The following GLB1L3 variants were observed in gnomAD, a reference collection of about 807,000 sequenced individuals.
GLB1L3 encodes galactosidase beta 1 like 3.
A neutral mutation model predicts 89.5 loss-of-function variants in GLB1L3; 89 were observed. The ratio of observed to expected loss-of-function variants is 0.99; its 90% CI spans 0.84 to 1.19. The LOEUF (loss-of-function observed/expected upper bound fraction) is 1.19. Among genes scored for constraint, GLB1L3 ranks in the 50% most tolerant of loss-of-function variants. The pLI, the probability that GLB1L3 is intolerant of heterozygous loss-of-function variation, is 0.00. For synonymous variants in GLB1L3, 314 were observed against 312.3 expected (o/e 1.01, Z -0.06); for missense variants, 812 against 813.3 (o/e 1.00, Z 0.02).
At chr11:134,298,064 T>C (rs1197345186) in intron 9 of GLB1L3, among the ~76,000 whole-genome samples, 2 of 151,516 alleles carry the variant, frequency 1.3e-5, no homozygotes, top group African/African-American at 4.9e-5. Context: ...TATTAATTCT[T>C]ATCTTTTTTT....
At chr11:134,283,882 C>A in intron 6 of GLB1L3, 37 bp downstream of exon 6, 1 of 1,208,654 alleles carries the variant, frequency 8.3e-7, no homozygotes, top group Non-Finnish European at 1.2e-6. Flanking sequence ...TTCTTACGTG[C>A]CCTTTAGGGA....
chr11:134,301,507 G>A (rs772944470), intron 9 of GLB1L3, among the ~76,000 whole-genome samples: 4 of 151,742 alleles, frequency 2.6e-5, no homozygotes, highest in African/African-American at 7.3e-5. Flanking sequence ...TTATTGATTC[G>A]TTTTTACTCT....
At chr11:134,309,951 T>A in intron 11 of GLB1L3, 188 bp downstream of exon 11, 2 of 638,726 alleles carry the variant, frequency 3.1e-6, no homozygotes, top group South Asian at 2.0e-5. Flanking sequence ...GTCATTGCAG[T>A]AGACAGGGCT....
At chr11:134,284,199 T>A (rs77374738) in intron 6 of GLB1L3, among the ~76,000 whole-genome samples, 3,548 of 152,272 alleles carry the variant, frequency 0.023, 125 homozygotes, top group African/African-American at 0.079. Context: ...CAGATAAAAA[T>A]CTCACCTTCC....
chr11:134,314,335 G>T lies in GLB1L3; in HGVS notation c.1673G>T (p.Arg558Leu). The change falls in exon 18 of 20, where the codon CGC becomes CTC. Residue 558 changes from arginine to leucine, a missense_variant. Arg to Leu is a moderately radical substitution (Grantham distance 102). This residue lies in a region of GLB1L3 where 618 missense variants were observed against 604.0 expected (regional missense o/e 1.02). Transcript: ENST00000431683. ...EMKMSFFERL[R>L]SATWKPVPDS... ...TGGCTTGGCCTTTCTTCCAGGCTCC[G>T]CTCTGCCACCTGGAAGCCTGTCCCA... is the stretch of plus-strand genomic sequence containing the variant. 1.9e-6 allele frequency: 3 copies of T among 1,547,036 alleles called. No individual in the cohort carries two copies. Among genetic ancestry groups the T allele is most frequent in the Non-Finnish European group, 2.6e-6 (3 of 1,145,112 alleles).
chr11:134,323,748 C>A (rs1201883442), downstream of GLB1L3, among the ~76,000 whole-genome samples: 4 of 152,098 alleles, frequency 2.6e-5, no homozygotes, highest in African/African-American at 9.7e-5. Context: ...CTTGTAAGGC[C>A]TGTGTTGCTG....
At chr11:134,308,190 TCACCATCACCACTACCACCAC>T (rs1565412169) in intron 10 of GLB1L3, among the ~76,000 whole-genome samples, 2 of 79,090 alleles carry the variant, frequency 2.5e-5, no homozygotes. Context: ...ATCACCATCA[TCACCATCACCACTACCACCAC>T]CACCATCACC....
At chr11:134,320,828 C>T (rs1298508024), downstream of GLB1L3, among the ~76,000 whole-genome samples, 5 of 151,970 alleles carry the variant, frequency 3.3e-5, no homozygotes, top group East Asian at 1.9e-4. Context: ...TGTTCTGTAG[C>T]GGCCTTTCTC....
chr11:134,322,881 G>C (rs1166519969), downstream of GLB1L3, among the ~76,000 whole-genome samples: 2 of 152,140 alleles, frequency 1.3e-5, no homozygotes, highest in African/African-American at 4.8e-5. Context: ...GAATATTCAT[G>C]CATAAGTTTT....
At chr11:134,277,250 G>C (rs765009892) in intron 1 of GLB1L3, 76 bp from the exon 2 acceptor site, 3 of 1,600,060 alleles carry the variant, frequency 1.9e-6, no homozygotes, top group South Asian at 2.2e-5. Flanking sequence ...AAGCGCCCCC[G>C]GCACAGCTTC....
At chr11:134,322,019 G>A (rs532444735), downstream of GLB1L3, among the ~76,000 whole-genome samples, 2 of 151,960 alleles carry the variant, frequency 1.3e-5, no homozygotes, top group South Asian at 2.1e-4. Context: ...AACTCTAAAC[G>A]GTAAAAATTG....
upstream of GLB1L3, chr11:134,276,370 C>G (rs1202255189): frequency 9.2e-6 from 2 of 217,544 alleles, no homozygotes; most frequent in East Asian, 9.5e-5. Context: ...GCCCCTCTCC[C>G]GCGCAGGCCT....
chr11:134,286,652 C>T (rs957409143), intron 6 of GLB1L3, among the ~76,000 whole-genome samples: 1 of 150,950 alleles, frequency 6.6e-6, no homozygotes. Context: ...TGGCGGGCGC[C>T]TGTAGTCCCA....
rs1942067452 is a variant in GLB1L3 at position 134,303,994 on chromosome 11, TG to T, written c.877-3129del. On this transcript the variant is annotated intron_variant, in intron 9 of 19. Transcript: ENST00000431683. ...TTCTCCTTTATTACTAAGAATTTTTTGTTTCTTTTTTTGTTTTCTGCAGTTG... is the reference window on the plus strand; with the variant it reads ...TTCTCCTTTATTACTAAGAATTTTTTTTTCTTTTTTTGTTTTCTGCAGTTG... 2.0e-5 allele frequency among the ~76,000 whole-genome samples: 3 copies of T among 152,148 alleles called. No individual in the cohort carries two copies. The South Asian group carries it at 6.2e-4, about 32-fold the overall frequency.
At chr11:134,300,458 G>C (rs943589396) in intron 9 of GLB1L3, among the ~76,000 whole-genome samples, 1 of 151,014 alleles carries the variant, frequency 6.6e-6, no homozygotes, top group Non-Finnish European at 1.5e-5. Context: ...TCAGCCTCCC[G>C]AGTAGCTGGG....
Position 134,313,413 on chromosome 11 carries a change from G to A in GLB1L3, c.1518G>A (p.Arg506=), listed in dbSNP as rs1205254213. 3 of 1,583,766 alleles carry A rather than the reference G, an allele frequency of 1.9e-6. No individual in the cohort carries two copies. The highest frequency in any genetic ancestry group is 2.7e-5 in the African/African-American group (2 of 74,482). The change falls in exon 16 of 20, where the codon AGG becomes AGA. Residue 506 remains arginine (R), a synonymous_variant. Coordinates refer to ENST00000431683, the MANE Select transcript of GLB1L3 (RefSeq NM_001080407.3). ...IPELRDCRYL[R]ILVENQGRVN... is the part of the protein sequence containing the mutation. ...CCCAGCAGGACTGCCGATACCTGAG[G>A]ATCCTGGTGGAGAATCAAGGACGAG...
At chr11:134,283,657 A>G in intron 5 of GLB1L3, 80 bp from the exon 6 acceptor site, 1 of 740,262 alleles carries the variant, frequency 1.4e-6, no homozygotes, top group South Asian at 1.7e-5. Context: ...ATGTGCGGCG[A>G]GCCGGGGCAG....
intron 5 of GLB1L3, among the ~76,000 whole-genome samples, chr11:134,282,455 G>C (rs1472837165): frequency 6.6e-6 from 1 of 152,166 alleles, no homozygotes; most frequent in Non-Finnish European, 1.5e-5. Flanking sequence ...AGGGGCTGTA[G>C]CCTCCTCTGT....
At chr11:134,307,556 C>A (rs1942260301) in intron 10 of GLB1L3, among the ~76,000 whole-genome samples, 1 of 152,158 alleles carries the variant, frequency 6.6e-6, no homozygotes, top group African/African-American at 2.4e-5. Context: ...GTCACCGAAG[C>A]TTCTCTGAAA....
Sources: gnomAD v4.1 joint callset for allele counts (sites outside exome capture counted in the v4.1 genomes callset) on GRCh38, gnomAD v4.1.1 for gene constraint, gnomAD v4.1.1 regional missense constraint, MANE v1.5 for transcripts, NCBI Gene and HGNC (gene_info 2026-07-23, HGNC 2026-07-21) for gene names.